C7: variants seen among roughly 807,000 people sequenced by gnomAD.
C7 encodes complement component C7.
A neutral mutation model predicts 104.8 loss-of-function variants in C7; 83 were observed. The observed-to-expected ratio is 0.79, with a 90% CI of 0.66 to 0.95. The LOEUF is 0.95. Ranked by LOEUF, C7 falls within the 40% of genes least tolerant of loss-of-function variation. C7 has a pLI of 0.00. For synonymous variants in C7, 415 were observed against 360.6 expected (o/e 1.15, Z -1.71); for missense variants, 1,070 against 1,011.2 (o/e 1.06, Z -0.79).
At chr5:40,952,659 T>A (rs1393607097) in intron 9 of C7, among the ~76,000 whole-genome samples, 8 of 145,896 alleles carry the variant, frequency 5.5e-5, no homozygotes, top group East Asian at 4.4e-4. Context: ...CCCACCCCAC[T>A]ACAGGCCCCG....
intron 2 of C7, among the ~76,000 whole-genome samples, chr5:40,929,902 T>TG (rs1351134917): frequency 6.6e-6 from 1 of 152,194 alleles, no homozygotes; most frequent in Non-Finnish European, 1.5e-5. Context: ...CCACTTCTCA[T>TG]GGGGACTTTT....
intron 9 of C7, among the ~76,000 whole-genome samples, chr5:40,952,087 T>G (rs1376945951): frequency 1.3e-5 from 2 of 152,218 alleles, no homozygotes; most frequent in Non-Finnish European, 2.9e-5. Flanking sequence ...ACATCAGTCT[T>G]CAGTTGGGCT....
At chr5:40,925,593 T>C (rs1023075921) in intron 1 of C7, among the ~76,000 whole-genome samples, 1 of 152,212 alleles carries the variant, frequency 6.6e-6, no homozygotes, top group African/African-American at 2.4e-5. Context: ...CAATTCTCAG[T>C]ACCAATTTTC....
intron 15 of C7, 119 bp from the exon 16 acceptor site, chr5:40,976,631 G>A (rs1202739602): frequency 3.3e-6 from 2 of 602,214 alleles, no homozygotes; most frequent in Non-Finnish European, 5.9e-6. Context: ...TATTGTTACT[G>A]TGCAAATGCA....
chr5:40,979,166 A>C (rs1352286301), intron 16 of C7, among the ~76,000 whole-genome samples: 1 of 151,936 alleles, frequency 6.6e-6, no homozygotes, highest in African/African-American at 2.4e-5. Flanking sequence ...AGGCTCCCAA[A>C]CTTATGGAAA....
At position 40,955,476 on chromosome 5, in the gene C7, A is replaced by G. The variant is rs752038622; in HGVS notation, c.1183A>G (p.Asn395Asp). 39 of 1,613,380 alleles carry G rather than the reference A, an allele frequency of 2.4e-5. No homozygotes were observed. The highest frequency in any genetic ancestry group is 3.1e-5 in the Non-Finnish European group (37 of 1,179,596). ...TGGCCTTAGTTACCTAGAGCTGGAC[A>G]ATCCTGCTGGAAACAAAAGGCGATA... ...ISGLSYLELD[N>D]PAGNKRRYSA... Residue 395 changes from asparagine to aspartate, a missense_variant, in exon 10 of 18, where the codon AAT becomes GAT. Asn to Asp is a conservative substitution (Grantham distance 23). Coordinates refer to ENST00000313164, the MANE Select transcript of C7 (RefSeq NM_000587.4).
chr5:40,978,048 T>A (rs1273081764), intron 16 of C7, among the ~76,000 whole-genome samples: 1 of 151,266 alleles, frequency 6.6e-6, no homozygotes, highest in Non-Finnish European at 1.5e-5. Flanking sequence ...GTGGGAGGAT[T>A]GCTTGAAGCC....
intron 6 of C7, among the ~76,000 whole-genome samples, chr5:40,942,229 A>G (rs1252694412): frequency 6.6e-6 from 1 of 152,160 alleles, no homozygotes; most frequent in Non-Finnish European, 1.5e-5. Context: ...AAGAAGGAAT[A>G]TATAGTAACA....
chr5:40,953,370 T>C (rs763249336), intron 9 of C7, among the ~76,000 whole-genome samples: 39 of 151,970 alleles, frequency 2.6e-4, no homozygotes, highest in South Asian at 1.9e-3. Flanking sequence ...CGACTAGGCG[T>C]GGTGGCTCAG....
Position 40,934,371 on chromosome 5 carries a change from C to G in C7, c.185C>G (p.Pro62Arg). Residue 62 changes from proline to arginine, a missense_variant, in exon 4 of 18, where the codon CCT becomes CGT. Pro to Arg is a moderately radical substitution (Grantham distance 103). Transcript: ENST00000313164. ...VAVYGQYGGQ[P>R]CVGNAFETQS... is the part of the protein sequence containing the mutation. Reference sequence around the variant, plus strand: ...GTGTATGGGCAGTATGGAGGCCAGCCTTGTGTTGGAAATGCTTTTGAAACA... The same window carrying G: ...GTGTATGGGCAGTATGGAGGCCAGCGTTGTGTTGGAAATGCTTTTGAAACA... 1 of 1,613,618 alleles carries G rather than the reference C, an allele frequency of 6.2e-7. No homozygotes were observed. The highest frequency in any genetic ancestry group is 1.1e-5 in the South Asian group (1 of 91,056).
intron 6 of C7, among the ~76,000 whole-genome samples, chr5:40,942,583 T>C (rs181258987): frequency 3.9e-4 from 60 of 152,206 alleles, no homozygotes; most frequent in African/African-American, 1.2e-3. Context: ...AATCGAGGAA[T>C]TGAATTTTGA....
chr5:40,939,129 G>A (rs773124409), intron 6 of C7, among the ~76,000 whole-genome samples: 1 of 151,850 alleles, frequency 6.6e-6, no homozygotes, highest in Non-Finnish European at 1.5e-5. Flanking sequence ...AGACAAAAGG[G>A]CCTTTTGCTT....
chr5:40,928,592 T>C lies in C7; in HGVS notation c.19T>C (p.Phe7Leu). 1 of 1,542,872 alleles carries C rather than the reference T, an allele frequency of 6.5e-7. No individual in the cohort carries two copies. Among genetic ancestry groups the C allele is most frequent in the Non-Finnish European group, 8.8e-7 (1 of 1,137,216 alleles). ...TTTTCTTCTCCAGGTGATAAGCTTA[T>C]TCATTTTGGTGGGATTTATAGGAGA... MKVISLFILVGFIGEFQ... is the reference protein window; with the variant it reads MKVISLLILVGFIGEFQ... The change falls in exon 2 of 18, where the codon TTC (phenylalanine) becomes CTC (leucine). Residue 7 changes from phenylalanine to leucine, a missense_variant. Coordinates refer to ENST00000313164, the MANE Select transcript of C7 (RefSeq NM_000587.4).
chr5:40,915,603 A>G (rs1328632675), intron 1 of C7, among the ~76,000 whole-genome samples: 1 of 152,200 alleles, frequency 6.6e-6, no homozygotes, highest in Non-Finnish European at 1.5e-5. Context: ...CATAGCTTAT[A>G]ATTTAAAACA....
In C7 at chr5:40,972,600, T is replaced by C; in HGVS notation, c.2074+6T>C. On this transcript the variant is annotated splice_donor_region_variant and intron_variant, in intron 15 of 17. Transcript: ENST00000313164. ...TGCCCGCTGTGTACAAAAAGGTGAG[T>C]GGCTTCCATGTCTATCCAAGGACAC... 1.3e-6 allele frequency: 2 copies of C among 1,581,968 alleles called. No individual in the cohort carries two copies. The highest frequency in any genetic ancestry group is 1.7e-6 in the Non-Finnish European group (2 of 1,165,346).
chr5:40,921,049 C>CAAAA (rs34006222), intron 1 of C7, among the ~76,000 whole-genome samples: 3 of 126,282 alleles, frequency 2.4e-5, no homozygotes, highest in Non-Finnish European at 3.6e-5. Flanking sequence ...ACTCTGTCTC[C>CAAAA]AAAAAAAAAA....
chr5:40,979,352 T>C (rs538211401), intron 16 of C7, among the ~76,000 whole-genome samples: 2 of 152,302 alleles, frequency 1.3e-5, no homozygotes, highest in Non-Finnish European at 2.9e-5. Flanking sequence ...AATGGTCCCA[T>C]TTGACTATGA....
Position 40,984,154 on chromosome 5 carries a change from C to CA in C7, c.*2585dup. ...ACATCTTATGTATTTCCTAATTGAT[C>CA]AAAAGTAGTGCTGCTTCTCTAAGCC... On this transcript the variant is annotated 3_prime_UTR_variant, in exon 18 of 18. Transcript: ENST00000313164. Among the ~76,000 whole-genome samples, 1 of 152,294 alleles carries CA rather than the reference C, an allele frequency of 6.6e-6. No homozygotes were observed. The highest frequency in any genetic ancestry group is 2.1e-4 in the South Asian group (1 of 4,820).
chr5:40,910,993 T>C lies in C7; in HGVS notation c.6+1377T>C, dbSNP rs572541206. 5.3e-5 allele frequency: 8 copies of C among 152,294 alleles called. No homozygotes were observed. In the South Asian group the frequency reaches 1.7e-3, roughly 32 times the overall value. The allele number at this position is 152,294 out of a possible 1,614,324, so 9.4% of individuals were successfully genotyped here. Reference sequence around the variant, plus strand: ...AATATTTTACTGCTGTAATAATAAATATACTTCTATCCTTTAATTAGTTGA... The same window carrying C: ...AATATTTTACTGCTGTAATAATAAACATACTTCTATCCTTTAATTAGTTGA... On this transcript the variant is annotated intron_variant, in intron 1 of 17. Transcript: ENST00000313164.
Sources: allele counts gnomAD v4.1 joint callset (sites outside exome capture counted in the v4.1 genomes callset), GRCh38; gene constraint gnomAD v4.1.1; transcripts MANE v1.5; gene names NCBI Gene and HGNC (gene_info 2026-07-23, HGNC 2026-07-21).